Variants in VWA3A observed in about 807,000 individuals in gnomAD.
VWA3A encodes von Willebrand factor A domain-containing protein 3A.
Under a neutral mutation model 160.4 loss-of-function variants are expected in VWA3A, and 134 were observed. That is an observed-to-expected ratio of 0.84 (90% CI 0.73 to 0.96). The LOEUF is 0.96. VWA3A is among the 40% of genes least tolerant of loss of function. The pLI is 0.00. For missense variants in VWA3A, 1,310 were observed against 1,447.9 expected (o/e 0.90, Z 1.55); for synonymous variants, 476 against 543.4 (o/e 0.88, Z 1.72).
intron 1 of VWA3A, among the ~76,000 whole-genome samples, chr16:22,094,318 A>C (rs976641283): frequency 2.0e-5 from 3 of 148,190 alleles, no homozygotes; most frequent in African/African-American, 7.4e-5. Context: ...AAGTAAAGCC[A>C]GTTTTTTTTT....
chr16:22,143,827 G>A (rs775426313), intron 25 of VWA3A, among the ~76,000 whole-genome samples: 5 of 149,248 alleles, frequency 3.4e-5, no homozygotes, highest in Admixed American at 1.4e-4. Context: ...TGCAACCTCC[G>A]CCTCCTGGGT....
At chr16:22,127,756 T>C (rs1177995679) in intron 17 of VWA3A, among the ~76,000 whole-genome samples, 1 of 152,182 alleles carries the variant, frequency 6.6e-6, no homozygotes, top group African/African-American at 2.4e-5. Flanking sequence ...GAGATGGACA[T>C]GAAGACACAC....
At chr16:22,152,718 T>A in intron 31 of VWA3A, 84 bp downstream of exon 31, 1 of 1,523,322 alleles carries the variant, frequency 6.6e-7, no homozygotes, top group Non-Finnish European at 8.8e-7. Context: ...CTTCTTGAAC[T>A]CCTGGGCTCA....
At chr16:22,123,438 C>T in intron 15 of VWA3A, 175 bp from the exon 16 acceptor site, 2 of 1,537,026 alleles carry the variant, frequency 1.3e-6, no homozygotes, top group Non-Finnish European at 1.7e-6. Context: ...TGACTCTTCC[C>T]TTCCTGTTCT....
At chr16:22,142,415 A>C (rs1299862440) in intron 24 of VWA3A, among the ~76,000 whole-genome samples, 1 of 152,170 alleles carries the variant, frequency 6.6e-6, no homozygotes, top group African/African-American at 2.4e-5. Flanking sequence ...ATGGAGAGAG[A>C]GGAAACAAGA....
At chr16:22,143,946 G>A (rs1338516787) in intron 25 of VWA3A, among the ~76,000 whole-genome samples, 1 of 151,622 alleles carries the variant, frequency 6.6e-6, no homozygotes, top group Non-Finnish European at 1.5e-5. Flanking sequence ...CACCATGTTG[G>A]CCAGGCTGTT....
intron 7 of VWA3A, 63 bp downstream of exon 7, chr16:22,109,643 G>A: frequency 6.9e-7 from 1 of 1,444,642 alleles, no homozygotes; most frequent in South Asian, 1.2e-5. Context: ...TTTCCTTCCT[G>A]AGCTTGCTGA....
At chr16:22,097,814 A>T in intron 3 of VWA3A, 119 bp downstream of exon 3, 1 of 1,331,106 alleles carries the variant, frequency 7.5e-7, no homozygotes, top group Non-Finnish European at 1.0e-6. Context: ...AAAAAGGAGT[A>T]ATTAAGCATT....
At chr16:22,114,800 A>ATT (rs35095196) in intron 8 of VWA3A, among the ~76,000 whole-genome samples, 189 of 133,298 alleles carry the variant, frequency 1.4e-3, no homozygotes, top group African/African-American at 4.9e-3. Flanking sequence ...CTATCTCTCT[A>ATT]TTTTTTTTTT....
rs1567215270 is a variant in VWA3A, at chr16:22,133,015, C to T, written c.1988C>T (p.Ala663Val). ...GACACCACACCCCCTGCCCGCTATG[C>T]CAGTCACACTGACACAGCCGCCGCC... ...KMDTTPPARY[A>V]SHTDTAAAYK... The change falls in exon 20 of 34, where the codon GCC (alanine) becomes GTC (valine). Residue 663 changes from alanine to valine, a missense_variant. Coordinates refer to ENST00000389398, the MANE Select transcript of VWA3A (RefSeq NM_173615.5). 6.2e-7 allele frequency: 1 copy of T among 1,613,938 alleles called. No individual in the cohort carries two copies. The highest frequency in any genetic ancestry group is 8.5e-7 in the Non-Finnish European group (1 of 1,179,876).
chr16:22,120,838 A>T lies in VWA3A; in HGVS notation c.1117-130A>T, dbSNP rs1598066644. ...GGAGGGGATGATGGAAGGGAAAGGC[A>T]AAACTGCCTTTAATCTACCAGGGAG... On this transcript the variant is annotated intron_variant, in intron 12 of 33. Coordinates refer to ENST00000389398, the MANE Select transcript of VWA3A (RefSeq NM_173615.5). 3 of 1,195,916 alleles carry T rather than the reference A, an allele frequency of 2.5e-6. No individual in the cohort carries two copies. The African/African-American group carries it at 4.6e-5, about 18-fold the overall frequency. The allele number at this position is 1,195,916 out of a possible 1,614,324, so 74.1% of individuals were successfully genotyped here. A position where few individuals can be genotyped will look rare whatever the true frequency, so the allele number is the denominator to read the frequency against.
intron 26 of VWA3A, 67 bp downstream of exon 26, chr16:22,144,451 G>T: frequency 1.3e-6 from 2 of 1,579,008 alleles, no homozygotes; most frequent in South Asian, 2.4e-5. Context: ...GCAGAGAGCA[G>T]TGTAGGGCAC....
intron 3 of VWA3A, among the ~76,000 whole-genome samples, chr16:22,099,113 G>C (rs2045369099): frequency 6.6e-6 from 1 of 150,980 alleles, no homozygotes; most frequent in African/African-American, 2.4e-5. Flanking sequence ...AAAAAAAAAA[G>C]TACCATGCTC....
At chr16:22,129,410 G>C (rs987099603) in intron 17 of VWA3A, among the ~76,000 whole-genome samples, 16 of 146,232 alleles carry the variant, frequency 1.1e-4, no homozygotes, top group Admixed American at 1.4e-4. Context: ...AAAAAAGAAA[G>C]AAAGAAAGAA....
chr16:22,098,002 G>T (rs1387731799), intron 3 of VWA3A, among the ~76,000 whole-genome samples: 2 of 152,296 alleles, frequency 1.3e-5, no homozygotes, highest in South Asian at 2.1e-4. Flanking sequence ...CCTGAGATTT[G>T]CTTTGCTTTT....
chr16:22,153,680 A>G (rs1027183009), intron 31 of VWA3A, among the ~76,000 whole-genome samples: 47 of 152,218 alleles, frequency 3.1e-4, no homozygotes, highest in African/African-American at 1.0e-3. Flanking sequence ...AAGACAACCA[A>G]TCAGAATTCC....
In VWA3A at chr16:22,103,494, G is replaced by A. The variant is rs1265631897; in HGVS notation, c.448G>A (p.Glu150Lys). ...TGACAGCACTATTGAAGTCTATCAA[G>A]AGAGAATTCAGTGGCTCACAGAAAA... is the stretch of plus-strand genomic sequence containing the variant. Reference protein sequence around the residue: ...KLSDTIEVYQERIQWLTENSK... With the variant: ...KLSDTIEVYQKRIQWLTENSK... Residue 150 changes from glutamate to lysine, a missense_variant, in exon 6 of 34, where the codon GAG becomes AAG. Transcript: ENST00000389398. 21 of 1,551,788 alleles carry A rather than the reference G, an allele frequency of 1.4e-5. No individual in the cohort carries two copies. Among genetic ancestry groups the A allele is most frequent in the Non-Finnish European group, 1.7e-5 (19 of 1,147,032 alleles).
chr16:22,121,601 C>G lies in VWA3A; in HGVS notation c.1340C>G (p.Ser447Ter). The change falls in exon 14 of 34, where the codon TCA becomes TGA. Residue 447 changes from serine to a stop codon, truncating the protein, a stop_gained. Transcript: ENST00000389398. LOFTEE classifies it high-confidence loss of function. ...GTACCTATTCTCCAGAAAACAGTATCATCGACCATCCATGAGGTAATTCAG... is the reference window on the plus strand; with the variant it reads ...GTACCTATTCTCCAGAAAACAGTATGATCGACCATCCATGAGGTAATTCAG... ...EFVPILQKTVSSTIHEKAMIQ... is the reference protein window; with the variant it reads ...EFVPILQKTV 6.2e-7 allele frequency: 1 copy of G among 1,612,154 alleles called. No individual in the cohort carries two copies. The highest frequency in any genetic ancestry group is 1.3e-5 in the African/African-American group (1 of 74,992).
chr16:22,134,143 T>C (rs879392809), intron 20 of VWA3A, among the ~76,000 whole-genome samples: 5 of 152,072 alleles, frequency 3.3e-5, no homozygotes, highest in Non-Finnish European at 5.9e-5. Flanking sequence ...TTTTAAATTT[T>C]TTTTTATAGA....
Sources: gnomAD v4.1 joint callset for allele counts (sites outside exome capture counted in the v4.1 genomes callset) on GRCh38, gnomAD v4.1.1 for gene constraint, MANE v1.5 for transcripts, NCBI Gene and HGNC (gene_info 2026-07-23, HGNC 2026-07-21) for gene names.